Variants in MPPED1 observed in about 807,000 individuals in gnomAD.
MPPED1 encodes the protein metallophosphoesterase domain-containing protein 1.
Under a neutral mutation model 36.2 loss-of-function variants are expected in MPPED1, and 16 were observed. That is an observed-to-expected ratio of 0.44 (90% CI 0.30 to 0.67). MPPED1 has a LOEUF of 0.67. MPPED1 is among the 30% of genes least tolerant of loss of function. The pLI is 0.10. For synonymous variants in MPPED1, 199 were observed against 191.3 expected, an observed-to-expected ratio of 1.04 and a Z score of -0.33; for missense variants, 307 against 453.4, an observed-to-expected ratio of 0.68 and a Z score of 2.93.
At chr22:43,496,954 G>A (rs1165100577) in intron 4 of MPPED1, among the ~76,000 whole-genome samples, 81 of 71,494 alleles carry the variant, frequency 1.1e-3, no homozygotes, top group South Asian at 4.0e-3. Flanking sequence ...TGGTGGAGGT[G>A]GTGGTGGTGG....
intron 6 of MPPED1, among the ~76,000 whole-genome samples, chr22:43,504,088 G>T (rs1214218193): frequency 6.6e-6 from 1 of 152,082 alleles, no homozygotes. Context: ...TAGTAATGAT[G>T]ATGATGGCCA....
At chr22:43,501,428 ATG>A (rs937090019) in intron 5 of MPPED1, among the ~76,000 whole-genome samples, 2 of 147,150 alleles carry the variant, frequency 1.4e-5, no homozygotes, top group African/African-American at 5.1e-5. Flanking sequence ...CTCTCCAAAC[ATG>A]GTGTCGTTTG....
chr22:43,488,253 C>G (rs952593663), intron 4 of MPPED1, among the ~76,000 whole-genome samples: 1 of 151,644 alleles, frequency 6.6e-6, no homozygotes, highest in African/African-American at 2.4e-5. Flanking sequence ...CCAGGGCCCC[C>G]CAAGGCCCCA....
At chr22:43,498,886 C>T (rs536607301) in intron 5 of MPPED1, among the ~76,000 whole-genome samples, 44 of 152,298 alleles carry the variant, frequency 2.9e-4, no homozygotes, top group South Asian at 8.3e-4. Flanking sequence ...GGGGCTCTCT[C>T]AGTTCCCTTC....
intron 3 of MPPED1, among the ~76,000 whole-genome samples, chr22:43,472,433 G>T (rs945078144): frequency 6.6e-6 from 1 of 152,162 alleles, no homozygotes; most frequent in Non-Finnish European, 1.5e-5. Context: ...CATTTTACAG[G>T]TAAGGAAACT....
chr22:43,461,096 G>A (rs573241242), intron 3 of MPPED1, among the ~76,000 whole-genome samples: 3 of 152,270 alleles, frequency 2.0e-5, no homozygotes, highest in South Asian at 2.1e-4. Context: ...GGGTGCAGTG[G>A]CACACACCTA....
At chr22:43,490,210 G>A (rs1230422765) in intron 4 of MPPED1, among the ~76,000 whole-genome samples, 7 of 152,206 alleles carry the variant, frequency 4.6e-5, no homozygotes, top group African/African-American at 7.2e-5. Flanking sequence ...AGGCAAGTCT[G>A]GTCCTTCTAT....
chr22:43,445,885 C>T (rs135053), intron 3 of MPPED1, among the ~76,000 whole-genome samples: 71,323 of 100,350 alleles, frequency 0.71, 22,120 homozygotes, highest in East Asian at 0.91. Flanking sequence ...TTTACATTTT[C>T]TTTTTTTTTT....
chr22:43,419,194 G>GT (rs1210773454), intron 1 of MPPED1: 5 of 152,204 alleles, frequency 3.3e-5, no homozygotes, highest in African/African-American at 1.2e-4. Flanking sequence ...GGCCTGTGTA[G>GT]TTTCTCTCAT....
rs961974598 is a variant in MPPED1 at position 43,474,456 on chromosome 22, C to T, written c.407-280C>T. ...TGTTGGGGGCCTGGCAGCAGGTACC[C>T]CTGTCAGCGATTCCAGCAGCTTCCT... On this transcript the variant is annotated intron_variant, in intron 3 of 6. Coordinates refer to ENST00000443721, the MANE Select transcript of MPPED1 (RefSeq NM_001044370.2). This position sits in a 1 kb window ranked among gnomAD's most constrained non-coding sequence, Gnocchi z 5.2. Among the ~76,000 whole-genome samples, 1 of 152,256 alleles carries T rather than the reference C, an allele frequency of 6.6e-6. No individual in the cohort carries two copies. The highest frequency in any genetic ancestry group is 1.5e-5 in the Non-Finnish European group (1 of 68,042).
In MPPED1 at chr22:43,424,959, A is replaced by G. The variant is rs1350264655; in HGVS notation, c.-27A>G. 2 of 1,555,900 alleles carry G rather than the reference A, an allele frequency of 1.3e-6. No homozygotes were observed. Among genetic ancestry groups the G allele is most frequent in the Non-Finnish European group, 1.7e-6 (2 of 1,152,128 alleles). ...GGGCTGCGGTGGCGGCAGCGGTGGG[A>G]GATGCCGGGGCGGCCGGCGGAGGTC... On this transcript the variant is annotated 5_prime_UTR_variant, in exon 2 of 7. Coordinates refer to ENST00000443721, the MANE Select transcript of MPPED1 (RefSeq NM_001044370.2).
chr22:43,422,551 C>T (rs1929312654), intron 1 of MPPED1, among the ~76,000 whole-genome samples: 1 of 152,174 alleles, frequency 6.6e-6, no homozygotes, highest in Non-Finnish European at 1.5e-5. Flanking sequence ...ATGTGGTCAG[C>T]TTGCATTTGA....
intron 3 of MPPED1, among the ~76,000 whole-genome samples, chr22:43,457,903 A>T (rs1380318529): frequency 6.6e-6 from 1 of 152,224 alleles, no homozygotes; most frequent in Non-Finnish European, 1.5e-5. Flanking sequence ...CTGTGTAATG[A>T]TGTTTCTGTC....
chr22:43,490,953 C>T (rs190182393), intron 4 of MPPED1, among the ~76,000 whole-genome samples: 10 of 152,178 alleles, frequency 6.6e-5, no homozygotes, highest in African/African-American at 2.2e-4. Flanking sequence ...GAGACGCTGT[C>T]GGCTCTTCTC....
At chr22:43,450,363 A>C (rs1264286798) in intron 3 of MPPED1, among the ~76,000 whole-genome samples, 1 of 152,208 alleles carries the variant, frequency 6.6e-6, no homozygotes, top group African/African-American at 2.4e-5. Context: ...TCACCTAAAA[A>C]ATGGGGCGAC....
At chr22:43,433,436 G>A (rs1160360964) in intron 2 of MPPED1, among the ~76,000 whole-genome samples, 2 of 43,034 alleles carry the variant, frequency 4.6e-5, no homozygotes, top group East Asian at 9.9e-4. Flanking sequence ...TGTATTCAGT[G>A]AATGAGTGAA....
chr22:43,495,886 A>G (rs868729872), intron 4 of MPPED1, among the ~76,000 whole-genome samples: 515 of 2,610 alleles, frequency 0.2, no homozygotes, highest in Admixed American at 0.24. Flanking sequence ...TGGTGGAGGT[A>G]GTGGTGGTGG....
intron 4 of MPPED1, among the ~76,000 whole-genome samples, chr22:43,495,504 AGGT>A (rs1433367373): frequency 0.011 from 104 of 9,434 alleles, 4 homozygotes; most frequent in African/African-American, 0.031. Flanking sequence ...GTGGTGGTGG[AGGT>A]GGTGGTGGTG....
chr22:43,504,760 G>A (rs62638148), intron 6 of MPPED1, among the ~76,000 whole-genome samples: 6,145 of 151,746 alleles, frequency 0.04, 186 homozygotes, highest in Admixed American at 0.075. Flanking sequence ...GTTGATTGTG[G>A]TAGTGATGAT....
Sources: allele counts gnomAD v4.1 joint callset (sites outside exome capture counted in the v4.1 genomes callset), GRCh38; gene constraint gnomAD v4.1.1; non-coding constraint Gnocchi (gnomAD v3.1); transcripts MANE v1.5; gene names NCBI Gene and HGNC (gene_info 2026-07-23, HGNC 2026-07-21).